Variants in BBX observed in about 807,000 individuals in gnomAD.
BBX encodes HMG box transcription factor BBX.
Under a neutral mutation model 100.2 loss-of-function variants are expected in BBX, and 30 were observed. That is an observed-to-expected ratio of 0.30 (90% CI 0.22 to 0.41). The LOEUF (loss-of-function observed/expected upper bound fraction) is 0.41. Ranked by LOEUF, BBX falls within the 10% of genes least tolerant of loss-of-function variation. The probability of loss-of-function intolerance (pLI) is 1.00; values close to 1 mark genes in which losing one functional copy is unlikely to be tolerated. For synonymous variants in BBX, 376 were observed against 388.1 expected (o/e 0.97, Z 0.37); for missense variants, 1,023 against 1,129.8 (o/e 0.91, Z 1.35).
At chr3:107,640,659 TTTG>T (rs1167128709) in intron 2 of BBX, among the ~76,000 whole-genome samples, 3 of 151,664 alleles carry the variant, frequency 2.0e-5, no homozygotes, top group South Asian at 2.1e-4. Flanking sequence ...TAATAACTGT[TTTG>T]TTGTTGTTGT....
Position 107,773,060 on chromosome 3 carries a change from C to G in BBX, c.1339C>G (p.Pro447Ala). The G allele has an allele frequency of 6.2e-7, 1 of 1,613,404 alleles. No individual in the cohort carries two copies. The highest frequency in any genetic ancestry group is 8.5e-7 in the Non-Finnish European group (1 of 1,179,882). ...IIEDPAALNKPEKLKKKKKKS... is the reference protein window; with the variant it reads ...IIEDPAALNKAEKLKKKKKKS... ...TGAGGATCCCGCAGCATTAAACAAG[C>G]CAGAAAAGCTAAAAAAGAAAAAGAA... The change falls in exon 11 of 18, where the codon CCA becomes GCA. Residue 447 changes from proline (P) to alanine (A), a missense_variant. Transcript: ENST00000325805. This position sits in a 1 kb window ranked among gnomAD's most constrained non-coding sequence, Gnocchi z 4.1.
At chr3:107,620,945 G>C (rs1401639691) in intron 2 of BBX, among the ~76,000 whole-genome samples, 1 of 150,442 alleles carries the variant, frequency 6.6e-6, no homozygotes, top group Non-Finnish European at 1.5e-5. Flanking sequence ...TGTGTGTGTG[G>C]GGGGGTGGGG....
chr3:107,543,586 C>G (rs146332571), intron 2 of BBX, among the ~76,000 whole-genome samples: 70 of 152,296 alleles, frequency 4.6e-4, no homozygotes, highest in Middle Eastern at 3.4e-3. Context: ...CTGTACGTGG[C>G]TTCAGTTTAG....
At chr3:107,693,641 C>A (rs369801051) in intron 3 of BBX, among the ~76,000 whole-genome samples, 2 of 151,722 alleles carry the variant, frequency 1.3e-5, no homozygotes, top group African/African-American at 2.4e-5. Context: ...GTGATGCCTC[C>A]GGCTTTGTTC....
In BBX at chr3:107,556,248, C is replaced by A. The variant is rs558907153; in HGVS notation, c.-84+29850C>A. 7.9e-5 allele frequency among the ~76,000 whole-genome samples: 12 copies of A among 152,226 alleles called. No homozygotes were observed. In the East Asian group the frequency reaches 1.9e-3, roughly 24 times the overall value. On this transcript the variant is annotated intron_variant, in intron 2 of 17. Transcript: ENST00000325805. ...ATTACTGGTTAATAGACTCCACTGC[C>A]TATTTAACACTGTGATTCAATAGAT...
chr3:107,798,833 G>C (rs913585995), intron 16 of BBX, 113 bp downstream of exon 16: 13 of 860,844 alleles, frequency 1.5e-5, no homozygotes, highest in African/African-American at 5.4e-5. Context: ...TAGCCAATGA[G>C]CTAAAAAAAA....
In BBX at chr3:107,798,500, ATGCATG is replaced by A; in HGVS notation, c.2354-22_2354-17del. The A allele has an allele frequency of 1.2e-6, 2 of 1,606,870 alleles. No individual in the cohort carries two copies. Among genetic ancestry groups the A allele is most frequent in the Non-Finnish European group, 1.7e-6 (2 of 1,173,440 alleles). ...GTGCCTTCTGTTTTTGTGCATAACT[ATGCATG>A]GTATTTCCTATTTCAGCCATATTTT... On this transcript the variant is annotated splice_polypyrimidine_tract_variant and intron_variant, in intron 15 of 17. Transcript: ENST00000325805.
intron 15 of BBX, among the ~76,000 whole-genome samples, chr3:107,795,437 G>T (rs1203978079): frequency 6.6e-6 from 1 of 152,092 alleles, no homozygotes; most frequent in Non-Finnish European, 1.5e-5. Context: ...CAGAACATTA[G>T]TCTGGACCCT....
chr3:107,607,297 G>A (rs1275707078), intron 2 of BBX, among the ~76,000 whole-genome samples: 2 of 152,024 alleles, frequency 1.3e-5, no homozygotes, highest in East Asian at 1.9e-4. Context: ...GGGTTTCACC[G>A]TGTTGGCTCC....
chr3:107,699,791 G>T (rs2060910029), intron 3 of BBX, among the ~76,000 whole-genome samples: 1 of 151,922 alleles, frequency 6.6e-6, no homozygotes, highest in Non-Finnish European at 1.5e-5. Flanking sequence ...AGGGTATGGT[G>T]GAGGCAGAGG....
chr3:107,777,228 G>A (rs961479842), intron 12 of BBX, among the ~76,000 whole-genome samples: 12 of 152,054 alleles, frequency 7.9e-5, no homozygotes, highest in African/African-American at 2.7e-4. Flanking sequence ...TACCATCAGC[G>A]GTTTCAGGCA....
chr3:107,613,121 AG>A, intron 2 of BBX, among the ~76,000 whole-genome samples: 1 of 151,912 alleles, frequency 6.6e-6, no homozygotes, highest in African/African-American at 2.4e-5. Flanking sequence ...AATGTTGCCA[AG>A]CCTGGGTCTT....
intron 2 of BBX, among the ~76,000 whole-genome samples, chr3:107,632,077 TTTG>T (rs34759490): frequency 0.34 from 51,246 of 151,200 alleles, 9,693 homozygotes; most frequent in East Asian, 0.88. Context: ...AAATGCTTTT[TTTG>T]TTGTTGTTGT....
intron 3 of BBX, among the ~76,000 whole-genome samples, chr3:107,689,548 T>C (rs926464114): frequency 3.3e-5 from 5 of 152,168 alleles, no homozygotes; most frequent in Non-Finnish European, 4.4e-5. Flanking sequence ...TGAGAGTACT[T>C]TAAGAGCTGC....
At chr3:107,698,332 A>T (rs531686497) in intron 3 of BBX, among the ~76,000 whole-genome samples, 29 of 151,062 alleles carry the variant, frequency 1.9e-4, no homozygotes, top group East Asian at 7.7e-4. Flanking sequence ...TGTTTTTTTT[A>T]AAAAAAATGT....
At chr3:107,717,684 T>C (rs1334159893) in intron 5 of BBX, among the ~76,000 whole-genome samples, 1 of 152,134 alleles carries the variant, frequency 6.6e-6, no homozygotes, top group East Asian at 1.9e-4. Flanking sequence ...TCCAGAATGA[T>C]AGCAGTTACT....
chr3:107,584,157 ATATATATATTAT>A (rs2052611509), intron 2 of BBX, among the ~76,000 whole-genome samples: 1 of 31,382 alleles, frequency 3.2e-5, no homozygotes, highest in East Asian at 4.7e-4. Context: ...ATAATATATG[ATATATATATTAT>A]TATATATATT....
chr3:107,744,785 C>T (rs930544057), intron 8 of BBX, 75 bp downstream of exon 8: 23 of 1,202,602 alleles, frequency 1.9e-5, no homozygotes, highest in South Asian at 1.7e-4. Flanking sequence ...ATAACAGTAA[C>T]TGAAAGCAAT....
chr3:107,738,091 C>T (rs1209649816), intron 7 of BBX, among the ~76,000 whole-genome samples: 2 of 151,080 alleles, frequency 1.3e-5, no homozygotes, highest in Admixed American at 6.6e-5. Context: ...TATATTTTGC[C>T]TTGTAAGTTT....
Sources: allele counts gnomAD v4.1 joint callset (sites outside exome capture counted in the v4.1 genomes callset), GRCh38; gene constraint gnomAD v4.1.1; non-coding constraint Gnocchi (gnomAD v3.1); transcripts MANE v1.5; gene names NCBI Gene and HGNC (gene_info 2026-07-23, HGNC 2026-07-21).